THAP5: variants seen among roughly 807,000 people sequenced by gnomAD.
THAP5 encodes the protein THAP domain containing 5, also known as THAP domain-containing protein 5.
THAP5 carries 26 observed loss-of-function variants against 34.0 expected under a neutral mutation model. The observed-to-expected ratio is 0.77, with a 90% CI of 0.56 to 1.06. The LOEUF (loss-of-function observed/expected upper bound fraction) is 1.06. Ranked by LOEUF, THAP5 falls within the 50% of genes least tolerant of loss-of-function variation. The pLI is 0.00. For missense variants in THAP5, 394 were observed against 452.8 expected (o/e 0.87, Z 1.18); for synonymous variants, 125 against 153.0 (o/e 0.82, Z 1.35).
rs1790436392 is a variant in THAP5, at chr7:108,564,411, G to T, written c.968C>A (p.Ser323Tyr). Residue 323 changes from serine (S) to tyrosine (Y), a missense_variant, in exon 3 of 3, where the codon TCT becomes TAT. Coordinates refer to ENST00000415914, the MANE Select transcript of THAP5 (RefSeq NM_001130475.3). ...YGTEVLQIEH[S>Y]YCRQDINKEH... The stretch of plus-strand genomic sequence containing the variant: ...CTTATTTATATCTTGTCTGCAGTAA[G>T]AATGTTCGATTTGTAAAACTTCTGT... 2.5e-6 allele frequency: 4 copies of T among 1,613,716 alleles called. 1 individual carries two copies. Among genetic ancestry groups the T allele is most frequent in the Middle Eastern group, 3.3e-4 (2 of 6,080 alleles).
chr7:108,542,714 C>T, the THAP5 span, among the ~76,000 whole-genome samples: 4 of 152,108 alleles, frequency 2.6e-5, no homozygotes, highest in African/African-American at 4.8e-5. Flanking sequence ...CCATCTGCCT[C>T]GGCCTCTCAA....
downstream of THAP5, among the ~76,000 whole-genome samples, chr7:108,559,497 C>T (rs570379843): frequency 6.6e-6 from 1 of 152,248 alleles, no homozygotes. Context: ...AACCTTGGAA[C>T]CAAACAACTG....
chr7:108,544,631 C>T, the THAP5 span, among the ~76,000 whole-genome samples: 3 of 151,818 alleles, frequency 2.0e-5, no homozygotes, highest in South Asian at 6.2e-4. Context: ...GAAACAAACT[C>T]TCCATAAATT....
chr7:108,550,842 C>T (rs947168755), downstream of THAP5, among the ~76,000 whole-genome samples: 39 of 152,204 alleles, frequency 2.6e-4, 1 homozygote, highest in Admixed American at 2.4e-3. Flanking sequence ...TCTCCAAATA[C>T]AGTCACGTCC....
the THAP5 span, among the ~76,000 whole-genome samples, chr7:108,547,500 G>T: frequency 6.6e-6 from 1 of 152,118 alleles, no homozygotes; most frequent in Non-Finnish European, 1.5e-5. Context: ...GTAACCAAAA[G>T]CAAGACTTGA....
downstream of THAP5, among the ~76,000 whole-genome samples, chr7:108,551,215 A>G (rs914088732): frequency 6.6e-6 from 1 of 152,082 alleles, no homozygotes; most frequent in Admixed American, 6.6e-5. Flanking sequence ...GGGCCATGCT[A>G]TGGTCTGAAT....
intron 1 of THAP5, among the ~76,000 whole-genome samples, chr7:108,566,396 A>C (rs1790488934): frequency 6.6e-6 from 1 of 152,212 alleles, no homozygotes; most frequent in African/African-American, 2.4e-5. Flanking sequence ...GGTTTGTATA[A>C]ATTATAAATT....
chr7:108,565,937 G>T lies in THAP5; in HGVS notation c.166C>A (p.Leu56Ile), dbSNP rs1246702950. 6.4e-7 allele frequency: 1 copy of T among 1,550,878 alleles called. No homozygotes were observed. The highest frequency in any genetic ancestry group is 8.7e-7 in the Non-Finnish European group (1 of 1,146,862). Residue 56 changes from leucine (L) to isoleucine (I), a missense_variant, in exon 2 of 3, where the codon CTA becomes ATA. Transcript: ENST00000415914. ...DSWVPSKYQF[L>I]CSDHFTPDSL... The stretch of plus-strand genomic sequence containing the variant: ...TCAGGAGTAAAATGGTCACTACATA[G>T]AAACTGGTATTTACTGGGAACCCAT...
chr7:108,553,832 C>T (rs1416171987), downstream of THAP5, among the ~76,000 whole-genome samples: 4 of 152,156 alleles, frequency 2.6e-5, no homozygotes, highest in Non-Finnish European at 5.9e-5. Flanking sequence ...CCATCAACCT[C>T]TAACTGCCCT....
At chr7:108,543,753 C>T in the THAP5 span, among the ~76,000 whole-genome samples, 7 of 152,208 alleles carry the variant, frequency 4.6e-5, no homozygotes, top group African/African-American at 1.7e-4. Context: ...CTGGGTTGGC[C>T]CTATTTTTTT....
intron 1 of THAP5, among the ~76,000 whole-genome samples, chr7:108,567,698 A>T (rs1055168464): frequency 6.6e-6 from 1 of 152,228 alleles, no homozygotes; most frequent in African/African-American, 2.4e-5. Context: ...CCAAATTCAT[A>T]TACATTTAAA....
chr7:108,566,196 A>G (rs935032197), intron 1 of THAP5, among the ~76,000 whole-genome samples, 174 bp from the exon 2 acceptor site: 18 of 152,232 alleles, frequency 1.2e-4, no homozygotes, highest in African/African-American at 4.3e-4. Context: ...TACCATTATC[A>G]TCTCTGCAGT....
downstream of THAP5, among the ~76,000 whole-genome samples, chr7:108,560,628 G>C (rs1245273205): frequency 6.6e-6 from 1 of 152,202 alleles, no homozygotes; most frequent in Non-Finnish European, 1.5e-5. Flanking sequence ...TGAGATATAA[G>C]GTTTGGCTGG....
chr7:108,569,466 G>A (rs748641404), intron 1 of THAP5, 24 bp downstream of exon 1: 29 of 1,551,410 alleles, frequency 1.9e-5, no homozygotes, highest in Non-Finnish European at 2.5e-5. Context: ...CGAGGCTGAC[G>A]CTTCTGCTCC....
rs1236784464 is a variant in THAP5 at position 108,569,084 on chromosome 7, A to T, written c.80+406T>A. On this transcript the variant is annotated intron_variant, in intron 1 of 2. Coordinates refer to ENST00000415914, the MANE Select transcript of THAP5 (RefSeq NM_001130475.3). ...CAGGAGAAAAGTGGGATGAAATTAT[A>T]CCTATGCGACCTACCTCGCGGGGGG... The T allele has an allele frequency of 1.1e-5, 11 of 1,032,538 alleles. No individual in the cohort carries two copies. In the East Asian group the frequency reaches 8.8e-4, roughly 83 times the overall value. The allele number at this position is 1,032,538 out of a possible 1,614,324, so 64.0% of individuals were successfully genotyped here. A position where few individuals can be genotyped will look rare whatever the true frequency, so the allele number is the denominator to read the frequency against.
At chr7:108,568,094 A>T (rs190625933) in intron 1 of THAP5, among the ~76,000 whole-genome samples, 1 of 152,330 alleles carries the variant, frequency 6.6e-6, no homozygotes, top group East Asian at 1.9e-4. Context: ...TATAAACTGA[A>T]AGTGGATTAG....
downstream of THAP5, among the ~76,000 whole-genome samples, chr7:108,558,320 G>T (rs1291942498): frequency 6.8e-6 from 1 of 147,452 alleles, no homozygotes; most frequent in African/African-American, 2.5e-5. Context: ...AAACTTTCCT[G>T]CCCTTTTAAG....
At chr7:108,550,383 G>A (rs1052924955), downstream of THAP5, among the ~76,000 whole-genome samples, 1 of 152,110 alleles carries the variant, frequency 6.6e-6, no homozygotes, top group African/African-American at 2.4e-5. Flanking sequence ...TTGTTCTCAG[G>A]ACATAATGGG....
At chr7:108,553,544 T>C (rs1343408530), downstream of THAP5, among the ~76,000 whole-genome samples, 1 of 152,202 alleles carries the variant, frequency 6.6e-6, no homozygotes, top group Non-Finnish European at 1.5e-5. Flanking sequence ...TTTTGAACCT[T>C]TGTTTCCTGT....
Sources: allele counts gnomAD v4.1 joint callset (sites outside exome capture counted in the v4.1 genomes callset), GRCh38; gene constraint gnomAD v4.1.1; transcripts MANE v1.5; gene names NCBI Gene and HGNC (gene_info 2026-07-23, HGNC 2026-07-21).